Variants in KSR2 observed in about 807,000 individuals in gnomAD.
The protein encoded by KSR2 is kinase suppressor of ras 2.
In KSR2, 25 loss-of-function variants were observed where a neutral mutation model predicts 107.8. That is an observed-to-expected ratio of 0.23 (90% CI 0.17 to 0.32). The LOEUF is 0.32. KSR2 is among the 10% of genes least tolerant of loss of function. KSR2 has a pLI of 1.00. For missense variants in KSR2, 887 were observed against 1,268.9 expected (o/e 0.70, Z 4.57); for synonymous variants, 480 against 507.0 (o/e 0.95, Z 0.71).
At chr12:117,664,830 A>T (rs955356816) in intron 5 of KSR2, among the ~76,000 whole-genome samples, 1 of 152,140 alleles carries the variant, frequency 6.6e-6, no homozygotes, top group African/African-American at 2.4e-5. Context: ...TAACATGGGA[A>T]TTCTAGCACC....
intron 3 of KSR2, among the ~76,000 whole-genome samples, chr12:117,797,796 C>T: frequency 6.6e-6 from 1 of 150,530 alleles, no homozygotes; most frequent in East Asian, 2.0e-4. Context: ...GCTGGGACCA[C>T]AGGTGCGCAC....
chr12:117,762,882 CCT>C (rs1566001210), intron 3 of KSR2, among the ~76,000 whole-genome samples: 1 of 151,372 alleles, frequency 6.6e-6, no homozygotes, highest in East Asian at 1.9e-4. Context: ...AAAAAAAAAA[CCT>C]TTTTTTTATT....
At position 117,833,976 on chromosome 12, in the gene KSR2, A is replaced by AT. The variant is rs377606375; in HGVS notation, c.472+21451dup. On this transcript the variant is annotated intron_variant, in intron 3 of 19. Coordinates refer to ENST00000339824, the MANE Select transcript of KSR2 (RefSeq NM_173598.6). ...AAACCCTGTCTGTACAAAAAAAAAA[A>AT]TTTTCATTAAAAAAATTAGCCAGGT... is the stretch of plus-strand genomic sequence containing the variant. Among the ~76,000 whole-genome samples, 936 of 150,192 alleles carry AT rather than the reference A, an allele frequency of 6.2e-3. 2 individuals are homozygous for AT. The highest frequency in any genetic ancestry group is 0.014 in the Middle Eastern group (4 of 286).
chr12:117,844,504 A>G (rs1355781156), intron 3 of KSR2, among the ~76,000 whole-genome samples: 1 of 150,882 alleles, frequency 6.6e-6, no homozygotes, highest in Non-Finnish European at 1.5e-5. Context: ...TTAACTCACA[A>G]GTTTTTTAAA....
chr12:117,854,732 A>G (rs1055576643), intron 3 of KSR2, among the ~76,000 whole-genome samples: 2 of 152,200 alleles, frequency 1.3e-5, no homozygotes, highest in African/African-American at 4.8e-5. Flanking sequence ...AGAAGCAGGA[A>G]GCCTCAGGAA....
At position 117,454,353 on chromosome 12, in the gene KSR2, A is replaced by T. The variant is rs912053102; in HGVS notation, c.*12846T>A. The T allele has an allele frequency of 9.2e-5, 14 of 152,244 alleles. No homozygotes were observed. Among genetic ancestry groups the T allele is most frequent in the Non-Finnish European group, 1.9e-4 (13 of 68,044 alleles). The allele number at this position is 152,244 out of a possible 1,614,324, so 9.4% of individuals were successfully genotyped here. A position where few individuals can be genotyped will look rare whatever the true frequency, so the allele number is the denominator to read the frequency against. On this transcript the variant is annotated 3_prime_UTR_variant, in exon 20 of 20. Coordinates refer to ENST00000339824, the MANE Select transcript of KSR2 (RefSeq NM_173598.6). ...ATCCACAATAGACAGTGGCTCAAGAAATGCAAATTGAGTCAAGTTGAAGCA... is the reference window on the plus strand; with the variant it reads ...ATCCACAATAGACAGTGGCTCAAGATATGCAAATTGAGTCAAGTTGAAGCA...
intron 9 of KSR2, among the ~76,000 whole-genome samples, chr12:117,541,014 G>A (rs540248618): frequency 3.2e-4 from 49 of 152,306 alleles, no homozygotes; most frequent in African/African-American, 1.1e-3. Flanking sequence ...TCCATTCCTC[G>A]GTTTTGTCCT....
chr12:117,687,650 C>T (rs1035110073), intron 4 of KSR2, among the ~76,000 whole-genome samples: 4 of 152,120 alleles, frequency 2.6e-5, no homozygotes, highest in Non-Finnish European at 4.4e-5. Context: ...GACCGTCTAG[C>T]ATTCACCCCA....
chr12:117,708,603 A>G lies in KSR2; in HGVS notation c.987-40945T>C, dbSNP rs545184998. Among the ~76,000 whole-genome samples, 3 of 152,344 alleles carry G rather than the reference A, an allele frequency of 2.0e-5. No homozygotes were observed. The East Asian group carries it at 5.8e-4, about 29-fold the overall frequency. On this transcript the variant is annotated intron_variant, in intron 4 of 19. Coordinates refer to ENST00000339824, the MANE Select transcript of KSR2 (RefSeq NM_173598.6). Reference sequence around the variant, plus strand: ...CAGCTGATGATAGTATTGCCAGAGAATATCTCTCTGCTGTCAGTCTCTCCA... The same window carrying G: ...CAGCTGATGATAGTATTGCCAGAGAGTATCTCTCTGCTGTCAGTCTCTCCA...
chr12:117,614,774 G>T (rs1459409921), intron 5 of KSR2, among the ~76,000 whole-genome samples: 3 of 152,180 alleles, frequency 2.0e-5, no homozygotes, highest in Non-Finnish European at 4.4e-5. Context: ...TTGTTCATAA[G>T]TGTTTAACTA....
At chr12:117,654,019 G>C (rs1304083441) in intron 5 of KSR2, among the ~76,000 whole-genome samples, 1 of 152,200 alleles carries the variant, frequency 6.6e-6, no homozygotes, top group Admixed American at 6.5e-5. Context: ...GAGGCTTCTA[G>C]GATTTTGGAG....
chr12:117,517,001 T>A (rs958817293), intron 14 of KSR2, among the ~76,000 whole-genome samples: 1 of 152,162 alleles, frequency 6.6e-6, no homozygotes, highest in Non-Finnish European at 1.5e-5. Context: ...GTGTACCACT[T>A]GTAGGCGGCT....
chr12:117,698,960 C>T (rs1886188191), intron 4 of KSR2, among the ~76,000 whole-genome samples: 1 of 152,208 alleles, frequency 6.6e-6, no homozygotes, highest in South Asian at 2.1e-4. Context: ...CCACTTCATT[C>T]TCTGCCTAAA....
At chr12:117,839,160 C>T (rs916874842) in intron 3 of KSR2, among the ~76,000 whole-genome samples, 1 of 152,212 alleles carries the variant, frequency 6.6e-6, no homozygotes, top group Non-Finnish European at 1.5e-5. Flanking sequence ...CTTCACTTCT[C>T]TCCCCTAGGG....
intron 5 of KSR2, among the ~76,000 whole-genome samples, chr12:117,614,248 G>A (rs1246300989): frequency 6.6e-6 from 1 of 152,070 alleles, no homozygotes; most frequent in African/African-American, 2.4e-5. Flanking sequence ...TACCCAGACT[G>A]GTTTCTAAGT....
At chr12:117,580,588 C>G (rs11068550) in intron 6 of KSR2, among the ~76,000 whole-genome samples, 4,736 of 152,306 alleles carry the variant, frequency 0.031, 180 homozygotes, top group South Asian at 0.14. Context: ...TTCACCAAGG[C>G]TGGGGTGAGT....
At chr12:117,928,558 A>G (rs556671218) in intron 1 of KSR2, among the ~76,000 whole-genome samples, 1 of 152,294 alleles carries the variant, frequency 6.6e-6, no homozygotes, top group Non-Finnish European at 1.5e-5. Flanking sequence ...TTATTTATCC[A>G]TGTATCTGCT....
intron 4 of KSR2, among the ~76,000 whole-genome samples, chr12:117,670,722 T>C (rs564371881): frequency 1.3e-5 from 2 of 152,186 alleles, no homozygotes; most frequent in African/African-American, 4.8e-5. Flanking sequence ...CACTGATCCC[T>C]TTTGCTCTGG....
chr12:117,887,939 G>A (rs922526971), intron 1 of KSR2, among the ~76,000 whole-genome samples: 1 of 152,232 alleles, frequency 6.6e-6, no homozygotes, highest in Non-Finnish European at 1.5e-5. Flanking sequence ...CCAGTCATGA[G>A]CGACATTGTC....
Sources: allele counts gnomAD v4.1 joint callset (sites outside exome capture counted in the v4.1 genomes callset), GRCh38; gene constraint gnomAD v4.1.1; transcripts MANE v1.5; gene names NCBI Gene and HGNC (gene_info 2026-07-23, HGNC 2026-07-21).